Variants in RPS6KA2 observed in about 807,000 individuals in gnomAD.
RPS6KA2 encodes the protein ribosomal protein S6 kinase A2, also known as ribosomal protein S6 kinase alpha-2.
In RPS6KA2, 42 loss-of-function variants were observed where a neutral mutation model predicts 91.8. The ratio of observed to expected loss-of-function variants is 0.46; its 90% CI spans 0.36 to 0.59. The LOEUF is 0.59. Among genes scored for constraint, RPS6KA2 ranks in the 20% least tolerant of loss-of-function variants. The probability of loss-of-function intolerance (pLI) is 0.00; values close to 1 mark genes in which losing one functional copy is unlikely to be tolerated. For synonymous variants in RPS6KA2, 414 were observed against 393.6 expected, an observed-to-expected ratio of 1.05 and a Z score of -0.61; for missense variants, 798 against 978.5, an observed-to-expected ratio of 0.82 and a Z score of 2.46.
rs191033464 is a variant in RPS6KA2, at chr6:166,674,200, A to G, written c.124-135416T>C. Reference sequence around the variant, plus strand: ...CCATGTCAATAAATAGATTATTTTTAAAAAGGAAAGCAACATAATGCATTC... The same window carrying G: ...CCATGTCAATAAATAGATTATTTTTGAAAAGGAAAGCAACATAATGCATTC... On this transcript the variant is annotated intron_variant, in intron 2 of 21. Coordinates refer to the RPS6KA2 transcript ENST00000503859. Among the ~76,000 whole-genome samples, 5 of 152,360 alleles carry G rather than the reference A, an allele frequency of 3.3e-5. No homozygotes were observed. In the East Asian group the frequency reaches 5.8e-4, roughly 18 times the overall value.
chr6:166,555,561 C>T (rs73257211), intron 1 of RPS6KA2, among the ~76,000 whole-genome samples: 4,957 of 152,078 alleles, frequency 0.033, 272 homozygotes, highest in African/African-American at 0.11. Context: ...CCAAATTCCT[C>T]GGGGAGGTGG....
intron 1 of RPS6KA2, among the ~76,000 whole-genome samples, chr6:166,556,021 G>A (rs948057711): frequency 5.3e-5 from 8 of 152,150 alleles, no homozygotes; most frequent in African/African-American, 1.4e-4. Flanking sequence ...AAAGGGCCAC[G>A]GCTAGAAGCC....
intron 2 of RPS6KA2, among the ~76,000 whole-genome samples, chr6:166,765,226 C>T (rs1208930976): frequency 6.6e-6 from 1 of 152,238 alleles, no homozygotes; most frequent in African/African-American, 2.4e-5. Context: ...AACAGTGCTC[C>T]TGACGCTGGA....
intron 2 of RPS6KA2, among the ~76,000 whole-genome samples, chr6:166,817,702 A>C (rs1779804616): frequency 6.8e-6 from 1 of 147,146 alleles, no homozygotes; most frequent in Non-Finnish European, 1.5e-5. Context: ...CTTTTTGGCC[A>C]AACCATCTTT....
upstream of RPS6KA2, among the ~76,000 whole-genome samples, chr6:166,628,779 T>C (rs1172834294): frequency 6.6e-6 from 1 of 152,262 alleles, no homozygotes; most frequent in Admixed American, 6.5e-5. Context: ...CCTCCCTTAC[T>C]GGATACCAAG....
At chr6:166,717,265 A>G (rs779607122) in intron 2 of RPS6KA2, among the ~76,000 whole-genome samples, 56 of 152,216 alleles carry the variant, frequency 3.7e-4, no homozygotes, top group Non-Finnish European at 6.6e-4. Context: ...GAGGTTACCA[A>G]AAACAGTGAA....
intron 1 of RPS6KA2, among the ~76,000 whole-genome samples, chr6:166,593,626 C>T (rs1423290748): frequency 6.6e-6 from 1 of 151,788 alleles, no homozygotes; most frequent in African/African-American, 2.4e-5. Context: ...CAAAACATTC[C>T]ATTAAAAAAT....
intron 12 of RPS6KA2, among the ~76,000 whole-genome samples, chr6:166,455,374 G>A (rs1010951306): frequency 4.6e-5 from 7 of 152,132 alleles, no homozygotes; most frequent in African/African-American, 9.7e-5. Context: ...ACGACGCAGC[G>A]TCCCACTGGT....
At chr6:166,621,726 G>A (rs1786642258) in intron 1 of RPS6KA2, among the ~76,000 whole-genome samples, 1 of 152,124 alleles carries the variant, frequency 6.6e-6, no homozygotes, top group Admixed American at 6.5e-5. Flanking sequence ...CCAACTCCAC[G>A]TCATACAAAG....
At position 166,821,283 on chromosome 6, in the gene RPS6KA2, C is replaced by T. The variant is rs1351528850; in HGVS notation, c.123+36917G>A. ...GACAAGGATTTCTCTTTCTTTCCAG[C>T]AGGCGCACCCCAGGAGTGACAAATC... On this transcript the variant is annotated intron_variant, in intron 2 of 21. Coordinates refer to the RPS6KA2 transcript ENST00000503859. This position sits in a 1 kb window ranked among gnomAD's most constrained non-coding sequence, Gnocchi z 4.1. Among the ~76,000 whole-genome samples, 2 of 152,080 alleles carry T rather than the reference C, an allele frequency of 1.3e-5. No individual in the cohort carries two copies. Among genetic ancestry groups the T allele is most frequent in the Non-Finnish European group, 2.9e-5 (2 of 68,000 alleles).
intron 2 of RPS6KA2, 49 bp from the exon 3 acceptor site, chr6:166,531,362 G>A (rs139399158): frequency 2.9e-5 from 40 of 1,391,502 alleles, no homozygotes; most frequent in African/African-American, 1.1e-4. Context: ...CTTCAAACTC[G>A]CTTTCCATAT....
chr6:166,536,693 A>T (rs1477023518), intron 2 of RPS6KA2, among the ~76,000 whole-genome samples: 2 of 152,178 alleles, frequency 1.3e-5, no homozygotes, highest in African/African-American at 4.8e-5. Context: ...AGCTCTGGAC[A>T]GGCATTACTG....
At chr6:166,451,728 C>G (rs112785328) in intron 12 of RPS6KA2, among the ~76,000 whole-genome samples, 50 of 152,352 alleles carry the variant, frequency 3.3e-4, no homozygotes, top group African/African-American at 1.2e-3. Context: ...TGTGCACGTG[C>G]TCTGCTCTCC....
intron 2 of RPS6KA2, among the ~76,000 whole-genome samples, chr6:166,763,259 T>G (rs1377601726): frequency 2.0e-5 from 3 of 152,242 alleles, no homozygotes; most frequent in African/African-American, 7.2e-5. Context: ...ATTAAAGGGT[T>G]ACATTAAGAA....
chr6:166,564,772 C>T lies in RPS6KA2; in HGVS notation c.100-25988G>A, dbSNP rs886378262. Among the ~76,000 whole-genome samples, 28 of 152,114 alleles carry T rather than the reference C, an allele frequency of 1.8e-4. 1 individual carries two copies. The highest frequency in any genetic ancestry group is 1.6e-3 in the Admixed American group (24 of 15,282). On this transcript the variant is annotated intron_variant, in intron 1 of 20. Transcript: ENST00000265678. ...GGGGGAAAGTCCTTGCTCATCCTCC[C>T]GAGCCACGGATCAAGGTCGAGGGCT...
intron 2 of RPS6KA2, chr6:166,858,051 C>T (rs1225973621): frequency 1.1e-4 from 71 of 665,796 alleles, no homozygotes; most frequent in East Asian, 7.8e-4. Context: ...CATATATACA[C>T]GTTTGTGCAT....
At chr6:166,700,311 ATT>A (rs1274902140) in intron 2 of RPS6KA2, among the ~76,000 whole-genome samples, 1 of 152,140 alleles carries the variant, frequency 6.6e-6, no homozygotes, top group African/African-American at 2.4e-5. Context: ...TGAACATTTG[ATT>A]TTTTTAACTC....
intron 17 of RPS6KA2, among the ~76,000 whole-genome samples, chr6:166,422,146 TG>T (rs1435058118): frequency 1.3e-5 from 2 of 152,126 alleles, no homozygotes; most frequent in Non-Finnish European, 2.9e-5. Flanking sequence ...GTGATCCACC[TG>T]CCTCGGCCTC....
chr6:166,538,034 A>C (rs1783536481), intron 2 of RPS6KA2, among the ~76,000 whole-genome samples: 2 of 152,268 alleles, frequency 1.3e-5, no homozygotes, highest in Non-Finnish European at 2.9e-5. Flanking sequence ...CTGCAATTTG[A>C]AGGTGACAAA....
Sources: gnomAD v4.1 joint callset for allele counts (sites outside exome capture counted in the v4.1 genomes callset) on GRCh38, gnomAD v4.1.1 for gene constraint, Gnocchi (gnomAD v3.1) non-coding constraint, MANE v1.5 for transcripts, NCBI Gene and HGNC (gene_info 2026-07-23, HGNC 2026-07-21) for gene names.